DGKI: variants seen among roughly 807,000 people sequenced by gnomAD.
DGKI encodes DAG kinase iota.
DGKI carries 55 observed loss-of-function variants against 147.5 expected under a neutral mutation model. The ratio of observed to expected loss-of-function variants is 0.37; its 90% confidence interval spans 0.30 to 0.47. The LOEUF is 0.47. Ranked by LOEUF, DGKI falls within the 20% of genes least tolerant of loss-of-function variation. The pLI is 1.00. For synonymous variants in DGKI, 469 were observed against 477.1 expected, an observed-to-expected ratio of 0.98 and a Z score of 0.22; for missense variants, 1,007 against 1,323.8, an observed-to-expected ratio of 0.76 and a Z score of 3.71.
At chr7:137,488,903 G>C (rs73730632) in intron 21 of DGKI, among the ~76,000 whole-genome samples, 2,788 of 152,258 alleles carry the variant, frequency 0.018, 85 homozygotes, top group African/African-American at 0.064. Flanking sequence ...ATAGGAAAGA[G>C]GGGCTAATTC....
Position 137,491,574 on chromosome 7 carries a change from C to T in DGKI, c.2249-3885G>A, listed in dbSNP as rs115260294. 7.0e-3 allele frequency among the ~76,000 whole-genome samples: 1,066 copies of T among 152,308 alleles called. 14 individuals are homozygous for T. The highest frequency in any genetic ancestry group is 0.024 in the African/African-American group (1,007 of 41,556). On this transcript the variant is annotated intron_variant, in intron 21 of 32. Transcript: ENST00000614521. ...GTTAAATGAAATATGTTCTATCTTC[C>T]TATCCTGATAAATATTCCTTTGTAG...
At chr7:137,600,807 T>C (rs1189958605) in intron 10 of DGKI, among the ~76,000 whole-genome samples, 2 of 152,238 alleles carry the variant, frequency 1.3e-5, no homozygotes, top group African/African-American at 2.4e-5. Context: ...ACAGCTTACT[T>C]TGACATTTTC....
chr7:137,509,371 A>C (rs1816497717), intron 21 of DGKI, among the ~76,000 whole-genome samples: 1 of 152,198 alleles, frequency 6.6e-6, no homozygotes, highest in Admixed American at 6.5e-5. Flanking sequence ...TCTGGAATAG[A>C]GGAGTGGCAG....
chr7:137,472,275 T>TAATATTATATGTATATATACAC (rs1814960066), intron 23 of DGKI, among the ~76,000 whole-genome samples: 1 of 84,432 alleles, frequency 1.2e-5, no homozygotes, highest in Non-Finnish European at 2.2e-5. Flanking sequence ...TATATATACA[T>TAATATTATATGTATATATACAC]ATAATATTAT....
At chr7:137,594,279 T>C (rs1819714111) in intron 12 of DGKI, among the ~76,000 whole-genome samples, 1 of 152,166 alleles carries the variant, frequency 6.6e-6, no homozygotes, top group Non-Finnish European at 1.5e-5. Flanking sequence ...ACTCCTGACC[T>C]CAAGTGATGT....
intron 1 of DGKI, among the ~76,000 whole-genome samples, chr7:137,841,924 T>G (rs1398357126): frequency 6.6e-6 from 1 of 152,132 alleles, no homozygotes; most frequent in African/African-American, 2.4e-5. Context: ...CAGGACCCAA[T>G]AGTGTCAATC....
rs561907135 is a variant in DGKI at position 137,560,139 on chromosome 7, A to C, written c.1948-7571T>G. ...TCCACTAGGACAACACAGGCAAAGA[A>C]GCAAGAAAACATCATCCATAATAAA... On this transcript the variant is annotated intron_variant, in intron 19 of 32. Coordinates refer to ENST00000614521, the MANE Select transcript of DGKI (RefSeq NM_001321708.2). Among the ~76,000 whole-genome samples, 3 of 152,324 alleles carry C rather than the reference A, an allele frequency of 2.0e-5. No individual in the cohort carries two copies. In the East Asian group the frequency reaches 5.8e-4, roughly 29 times the overall value.
intron 19 of DGKI, among the ~76,000 whole-genome samples, chr7:137,554,532 T>C (rs1302669121): frequency 6.6e-6 from 1 of 152,192 alleles, no homozygotes; most frequent in Non-Finnish European, 1.5e-5. Flanking sequence ...CCCAAGACCA[T>C]AGCTCTCCTT....
Position 137,386,982 on chromosome 7 carries a change from G to A in DGKI, c.*4238C>T, listed in dbSNP as rs2128890613. 1 of 152,142 alleles carries A rather than the reference G, an allele frequency of 6.6e-6. No homozygotes were observed. Among genetic ancestry groups the A allele is most frequent in the Non-Finnish European group, 1.5e-5 (1 of 67,980 alleles). The allele number at this position is 152,142 out of a possible 1,614,324, so 9.4% of individuals were successfully genotyped here. ...GGTTATGATGAGCCATTTTAACAAA[G>A]TCCCATTTTTAAATAGCATAATTGA... On this transcript the variant is annotated 3_prime_UTR_variant, in exon 33 of 33. Coordinates refer to ENST00000614521, the MANE Select transcript of DGKI (RefSeq NM_001321708.2).
chr7:137,618,151 A>ATATATATATATATATATATATATATT, intron 8 of DGKI, among the ~76,000 whole-genome samples: 16 of 10,454 alleles, frequency 1.5e-3, no homozygotes, highest in East Asian at 7.4e-3. Context: ...ATATATATAT[A>ATATATATATATATATATATATATATT]TTTTTTTTTT....
rs376317273 is a variant in DGKI at position 137,463,613 on chromosome 7, T to C, written c.2613-2A>G. On this transcript the variant is annotated splice_acceptor_variant, in intron 26 of 32. Transcript: ENST00000614521. LOFTEE classifies it high-confidence loss of function. ...GCAGGATTCCACCAGTCTGAGATCC[T>C]GAGAGAAAGAAGGGCACCAGACAGT... The C allele has an allele frequency of 1.2e-6, 2 of 1,613,818 alleles. No homozygotes were observed. Among genetic ancestry groups the C allele is most frequent in the African/African-American group, 1.3e-5 (1 of 74,924 alleles).
intron 19 of DGKI, among the ~76,000 whole-genome samples, chr7:137,561,095 A>C (rs1181492598): frequency 6.6e-6 from 1 of 151,968 alleles, no homozygotes; most frequent in Non-Finnish European, 1.5e-5. Flanking sequence ...ATAGAAAGGA[A>C]ACCAGTATAT....
intron 20 of DGKI, among the ~76,000 whole-genome samples, chr7:137,551,598 T>C (rs550148479): frequency 2.6e-5 from 4 of 152,298 alleles, no homozygotes; most frequent in Non-Finnish European, 5.9e-5. Context: ...AAAAATTATG[T>C]TCATTTTCCG....
In DGKI at chr7:137,638,510, ATGTGTG is replaced by A. The variant is rs1405753452; in HGVS notation, c.804+6956_804+6961del. 1.1e-4 allele frequency among the ~76,000 whole-genome samples: 13 copies of A among 116,486 alleles called. 1 individual carries two copies. The highest frequency in any genetic ancestry group is 1.1e-3 in the South Asian group (4 of 3,736). The allele number at this position is 116,486 out of a possible 152,430, so 76.4% of individuals were successfully genotyped here. A position where few individuals can be genotyped will look rare whatever the true frequency, so the allele number is the denominator to read the frequency against. ...TATACACACATATATATGTATATAT[ATGTGTG>A]TATATATATACACACACATATATGT... On this transcript the variant is annotated intron_variant, in intron 6 of 32. Coordinates refer to ENST00000614521, the MANE Select transcript of DGKI (RefSeq NM_001321708.2).
At chr7:137,425,097 TCCCTGAC>T (rs1316705545) in intron 28 of DGKI, among the ~76,000 whole-genome samples, 16 of 151,248 alleles carry the variant, frequency 1.1e-4, no homozygotes, top group South Asian at 8.3e-4. Flanking sequence ...CTCAAATGGG[TCCCTGAC>T]CCCTGACCCC....
intron 3 of DGKI, among the ~76,000 whole-genome samples, chr7:137,668,255 C>T (rs933541172): frequency 4.6e-5 from 7 of 152,122 alleles, no homozygotes; most frequent in Admixed American, 3.3e-4. Context: ...CCCCCTGTGC[C>T]AAGATGGCAA....
chr7:137,597,696 C>T, intron 12 of DGKI, 151 bp downstream of exon 12: 2 of 692,408 alleles, frequency 2.9e-6, no homozygotes, highest in Middle Eastern at 2.4e-4. Context: ...TAACAAAGTC[C>T]CTTGTTACTC....
chr7:137,724,054 C>G (rs781593096), intron 1 of DGKI, among the ~76,000 whole-genome samples: 1 of 145,200 alleles, frequency 6.9e-6, no homozygotes, highest in Non-Finnish European at 1.5e-5. Context: ...TGAGCAGACC[C>G]CTACATTAGG....
chr7:137,499,429 AG>A (rs1302198726), intron 21 of DGKI, among the ~76,000 whole-genome samples: 1 of 152,168 alleles, frequency 6.6e-6, no homozygotes. Flanking sequence ...GAGTGTTTCC[AG>A]AAGAGATTAG....
Sources: allele counts gnomAD v4.1 joint callset (sites outside exome capture counted in the v4.1 genomes callset), GRCh38; gene constraint gnomAD v4.1.1; transcripts MANE v1.5; gene names NCBI Gene and HGNC (gene_info 2026-07-23, HGNC 2026-07-21).